STK3: variants seen among roughly 807,000 people sequenced by gnomAD.
STK3 encodes serine/threonine kinase 3, also known as serine/threonine-protein kinase 3.
A neutral mutation model predicts 58.0 loss-of-function variants in STK3; 41 were observed. That is an observed-to-expected ratio of 0.71 (90% CI 0.55 to 0.92). The LOEUF (loss-of-function observed/expected upper bound fraction) is 0.92. STK3 is among the 40% of genes least tolerant of loss of function. STK3 has a pLI of 0.00. For missense variants in STK3, 479 were observed against 602.7 expected (o/e 0.79, Z 2.15); for synonymous variants, 170 against 191.0 (o/e 0.89, Z 0.91).
chr8:98,822,850 G>A (rs1045693339), intron 1 of STK3, among the ~76,000 whole-genome samples: 2 of 152,178 alleles, frequency 1.3e-5, no homozygotes, highest in Non-Finnish European at 1.5e-5. Context: ...CCAACATGGC[G>A]AAACGTTGTC....
chr8:98,656,868 G>C (rs189370558), intron 6 of STK3, among the ~76,000 whole-genome samples: 244 of 152,164 alleles, frequency 1.6e-3, no homozygotes, highest in Non-Finnish European at 3.0e-3. Context: ...AAGCAAATGA[G>C]AGTTATATTC....
chr8:98,718,447 T>C (rs1827180365), intron 4 of STK3, among the ~76,000 whole-genome samples: 1 of 152,134 alleles, frequency 6.6e-6, no homozygotes, highest in African/African-American at 2.4e-5. Context: ...ATTTATTCTC[T>C]CCTTCAGACT....
chr8:98,597,578 G>T (rs1254858769), intron 6 of STK3: 1 of 985,248 alleles, frequency 1.0e-6, no homozygotes. Flanking sequence ...GCCAAATAGT[G>T]CCAGTGGACC....
At chr8:98,366,083 G>A in the STK3 span, among the ~76,000 whole-genome samples, 4 of 152,134 alleles carry the variant, frequency 2.6e-5, no homozygotes, top group Non-Finnish European at 5.9e-5. Flanking sequence ...TACCAAAATT[G>A]TTCTCTAAAA....
intron 1 of STK3, among the ~76,000 whole-genome samples, chr8:98,939,972 G>C (rs1185705381): frequency 6.6e-6 from 1 of 152,242 alleles, no homozygotes; most frequent in Non-Finnish European, 1.5e-5. Flanking sequence ...CGCTTGGTTC[G>C]AAAAGCACCA....
intron 10 of STK3, among the ~76,000 whole-genome samples, chr8:98,523,748 A>G (rs1038412511): frequency 1.3e-5 from 2 of 152,008 alleles, no homozygotes; most frequent in Non-Finnish European, 2.9e-5. Context: ...TTCATTATAC[A>G]TTATGAATAT....
chr8:98,877,879 C>T (rs1339976022), intron 3 of STK3, among the ~76,000 whole-genome samples: 3 of 151,808 alleles, frequency 2.0e-5, no homozygotes, highest in Non-Finnish European at 4.4e-5. Flanking sequence ...ACTTTTAAGA[C>T]AATAATAAAA....
chr8:98,852,114 A>G (rs1836493006), intron 3 of STK3, among the ~76,000 whole-genome samples: 1 of 152,054 alleles, frequency 6.6e-6, no homozygotes, highest in South Asian at 2.1e-4. Flanking sequence ...TGAACTAACA[A>G]GTTGCCTTTG....
intron 1 of STK3, among the ~76,000 whole-genome samples, chr8:98,896,019 T>C (rs1014980868): frequency 1.3e-5 from 2 of 152,196 alleles, no homozygotes; most frequent in African/African-American, 4.8e-5. Context: ...ATTTCTGAGA[T>C]GAGCACGATT....
intron 3 of STK3, among the ~76,000 whole-genome samples, chr8:98,423,889 A>G (rs963531182): frequency 5.3e-5 from 8 of 151,190 alleles, no homozygotes; most frequent in African/African-American, 1.9e-4. Flanking sequence ...GCCACTGACT[A>G]AGGTCTCTTC....
chr8:98,908,801 C>A (rs1839016055), intron 1 of STK3, among the ~76,000 whole-genome samples: 1 of 148,486 alleles, frequency 6.7e-6, no homozygotes, highest in South Asian at 2.1e-4. Flanking sequence ...CGAGATAACA[C>A]CATTGCATTC....
chr8:98,722,600 G>A (rs1827512576), intron 4 of STK3: 1 of 154,760 alleles, frequency 6.5e-6, no homozygotes, highest in Non-Finnish European at 1.4e-5. Flanking sequence ...GATAGATGGA[G>A]TTTTGTTTTC....
chr8:98,825,559 G>C lies in STK3; in HGVS notation c.-19C>G. On this transcript the variant is annotated 5_prime_UTR_variant, in exon 1 of 11. Transcript: ENST00000419617. ...GCTCCATGGCGGCCGGGGACAGAGAGAGGGACCTGGTGGACGGCGAAGGCC... is the reference window on the plus strand; with the variant it reads ...GCTCCATGGCGGCCGGGGACAGAGACAGGGACCTGGTGGACGGCGAAGGCC... 6.9e-7 allele frequency: 1 copy of C among 1,455,518 alleles called. No individual in the cohort carries two copies. Among genetic ancestry groups the C allele is most frequent in the Non-Finnish European group, 9.1e-7 (1 of 1,098,584 alleles). 90.2% of individuals were successfully genotyped at this position (1,455,518 alleles called of 1,614,324 possible).
intron 6 of STK3, among the ~76,000 whole-genome samples, chr8:98,636,517 G>GA (rs1373517832): frequency 7.2e-5 from 11 of 152,172 alleles, no homozygotes; most frequent in African/African-American, 2.6e-4. Context: ...GAATCCAGTG[G>GA]AAAAACCAAA....
At position 98,568,685 on chromosome 8, in the gene STK3, G is replaced by A. The variant is rs1345609215; in HGVS notation, c.948+10979C>T. ...ATAATAATAATGAAATAATAACGTA[G>A]AAGAGAAAGCTATCTTAGACATTAA... On this transcript the variant is annotated intron_variant, in intron 8 of 10. Transcript: ENST00000419617. 2.0e-5 allele frequency among the ~76,000 whole-genome samples: 3 copies of A among 152,118 alleles called. No individual in the cohort carries two copies. The East Asian group carries it at 5.8e-4, about 29-fold the overall frequency.
intron 3 of STK3, among the ~76,000 whole-genome samples, chr8:98,848,182 A>AAC (rs1352303961): frequency 6.6e-6 from 1 of 152,096 alleles, no homozygotes; most frequent in Non-Finnish European, 1.5e-5. Context: ...ACTCCAAAGA[A>AAC]ACCTAGCACT....
chr8:98,633,534 C>G, intron 6 of STK3: 1 of 704,440 alleles, frequency 1.4e-6, no homozygotes. Context: ...GTGCAAGTAA[C>G]AGAGAATCAG....
chr8:98,349,210 G>T, the STK3 span, among the ~76,000 whole-genome samples: 1 of 152,234 alleles, frequency 6.6e-6, no homozygotes, highest in Non-Finnish European at 1.5e-5. Context: ...GAACTACAGA[G>T]ATGGTAAAAA....
intron 3 of STK3, among the ~76,000 whole-genome samples, chr8:98,831,932 C>A (rs1397464224): frequency 6.6e-6 from 1 of 152,198 alleles, no homozygotes; most frequent in Admixed American, 6.5e-5. Flanking sequence ...AGGAGTCTAG[C>A]ATAACTATTA....
Sources: gnomAD v4.1 joint callset for allele counts (sites outside exome capture counted in the v4.1 genomes callset) on GRCh38, gnomAD v4.1.1 for gene constraint, MANE v1.5 for transcripts, NCBI Gene and HGNC (gene_info 2026-07-23, HGNC 2026-07-21) for gene names.